TBCD: variants seen among roughly 807,000 people sequenced by gnomAD.
TBCD encodes tubulin-specific chaperone D.
TBCD carries 105 observed loss-of-function variants against 169.3 expected under a neutral mutation model. The observed-to-expected ratio is 0.62, with a 90% CI of 0.53 to 0.73. The LOEUF (loss-of-function observed/expected upper bound fraction) is 0.73, where lower values mean the gene tolerates loss of function less well. TBCD is among the 30% of genes least tolerant of loss of function. TBCD has a pLI of 0.00. For missense variants in TBCD, 1,444 were observed against 1,600.1 expected (o/e 0.90, Z 1.66); for synonymous variants, 700 against 643.9 (o/e 1.09, Z -1.32).
At chr17:82,863,460 A>G (rs1374920551) in intron 13 of TBCD, among the ~76,000 whole-genome samples, 1 of 152,184 alleles carries the variant, frequency 6.6e-6, no homozygotes, top group Non-Finnish European at 1.5e-5. Context: ...AGTTCTGAAA[A>G]ATTGCAAATG....
At chr17:82,940,213 G>GCACACACA (rs767644055) in intron 37 of TBCD, among the ~76,000 whole-genome samples, 1 of 34,342 alleles carries the variant, frequency 2.9e-5, no homozygotes, top group Admixed American at 3.1e-4. Context: ...ATGCTCACTT[G>GCACACACA]CACGCGCGCA....
intron 6 of TBCD, among the ~76,000 whole-genome samples, chr17:82,778,590 C>T (rs1009352025): frequency 6.6e-6 from 1 of 151,758 alleles, no homozygotes; most frequent in Non-Finnish European, 1.5e-5. Context: ...TCCCCAGTAG[C>T]TGGGACTGCA....
At chr17:82,850,722 G>A (rs1338280658) in intron 13 of TBCD, among the ~76,000 whole-genome samples, 9 of 152,178 alleles carry the variant, frequency 5.9e-5, no homozygotes, top group Admixed American at 5.9e-4. Flanking sequence ...TGGTGATTTG[G>A]CCCCCATGGC....
chr17:82,801,841 G>A (rs1419917119), intron 9 of TBCD, among the ~76,000 whole-genome samples: 1 of 146,148 alleles, frequency 6.8e-6, no homozygotes, highest in Admixed American at 6.8e-5. Flanking sequence ...TGCGTCGTGT[G>A]GTTCGGAGTC....
intron 12 of TBCD, among the ~76,000 whole-genome samples, chr17:82,813,846 G>A (rs573050985): frequency 2.0e-5 from 3 of 152,330 alleles, no homozygotes; most frequent in African/African-American, 7.2e-5. Context: ...GAGCCCGCTG[G>A]TGGACGCTGG....
chr17:82,828,419 C>T (rs1452623095), intron 13 of TBCD, among the ~76,000 whole-genome samples: 2 of 151,232 alleles, frequency 1.3e-5, no homozygotes, highest in African/African-American at 4.9e-5. Flanking sequence ...CACACACCCG[C>T]AGATATGTAC....
At chr17:82,854,531 G>C (rs147525622) in intron 13 of TBCD, among the ~76,000 whole-genome samples, 3 of 152,232 alleles carry the variant, frequency 2.0e-5, no homozygotes, top group African/African-American at 7.2e-5. Flanking sequence ...CATCAGAAAG[G>C]CCTGCAGGTT....
Position 82,870,331 on chromosome 17 carries a change from C to T in TBCD, c.1426C>T (p.Arg476Cys), listed in dbSNP as rs1350220621. The T allele has an allele frequency of 2.5e-6, 4 of 1,613,418 alleles. No individual in the cohort carries two copies. Among genetic ancestry groups the T allele is most frequent in the African/African-American group, 1.3e-5 (1 of 74,958 alleles). ...AACYVCWAFA[R>C]AYEPQELKPF... ...CTGCTACGTGTGCTGGGCCTTCGCGCGTGCCTATGAGCCTCAGGAGCTGAA... is the reference window on the plus strand; with the variant it reads ...CTGCTACGTGTGCTGGGCCTTCGCGTGTGCCTATGAGCCTCAGGAGCTGAA... The change falls in exon 14 of 39, where the codon CGT becomes TGT. Residue 476 changes from arginine to cysteine, a missense_variant. Transcript: ENST00000355528.
chr17:82,758,858 A>C (rs2047598428), intron 2 of TBCD, among the ~76,000 whole-genome samples: 1 of 150,360 alleles, frequency 6.7e-6, no homozygotes. Context: ...ACAGGGTTTC[A>C]CCATGTTGGC....
intron 17 of TBCD, among the ~76,000 whole-genome samples, chr17:82,895,305 G>A (rs117672124): frequency 0.11 from 16,083 of 152,190 alleles, 1,141 homozygotes; most frequent in South Asian, 0.29. Context: ...CCCTAGTACC[G>A]CGGGGCCCCC....
At chr17:82,792,668 A>G (rs569686101) in intron 7 of TBCD, among the ~76,000 whole-genome samples, 165 of 152,346 alleles carry the variant, frequency 1.1e-3, no homozygotes, top group African/African-American at 3.8e-3. Flanking sequence ...TGGGCCTTGC[A>G]TGGCCCCCAC....
chr17:82,913,594 C>CG (rs1568026843), intron 23 of TBCD: 2 of 152,138 alleles, frequency 1.3e-5, no homozygotes. Context: ...TAGCTGGCGG[C>CG]GATGGAGTTG....
intron 36 of TBCD, among the ~76,000 whole-genome samples, chr17:82,938,830 G>C (rs908594702): frequency 6.8e-6 from 1 of 146,632 alleles, no homozygotes; most frequent in Admixed American, 6.7e-5. Flanking sequence ...TGCTTCCCTG[G>C]TGAAAAGAGA....
rs926602728 is a variant in TBCD at position 82,922,795 on chromosome 17, C to T, written c.2179-857C>T. Reference sequence around the variant, plus strand: ...CTCTCCAAGGCTGCTCTGTTGGCCTCGGCTCCTGGGCTTCGGGGGAGCGGT... The same window carrying T: ...CTCTCCAAGGCTGCTCTGTTGGCCTTGGCTCCTGGGCTTCGGGGGAGCGGT... On this transcript the variant is annotated intron_variant, in intron 25 of 38. Transcript: ENST00000355528. The surrounding 1 kb of genome is among the most constrained non-coding windows in gnomAD (Gnocchi z 4.1). Among the ~76,000 whole-genome samples, 9 of 152,212 alleles carry T rather than the reference C, an allele frequency of 5.9e-5. No individual in the cohort carries two copies. The highest frequency in any genetic ancestry group is 1.0e-4 in the Non-Finnish European group (7 of 68,040).
At chr17:82,797,571 G>C (rs2050189920) in intron 7 of TBCD, among the ~76,000 whole-genome samples, 186 bp from the exon 8 acceptor site, 2 of 152,148 alleles carry the variant, frequency 1.3e-5, no homozygotes, top group Admixed American at 1.3e-4. Flanking sequence ...GAATTTTTGG[G>C]AGATGATTTC....
Position 82,786,821 on chromosome 17 carries a change from C to CT in TBCD, c.771+5119dup, listed in dbSNP as rs71168154. 4.3e-4 allele frequency among the ~76,000 whole-genome samples: 47 copies of CT among 110,148 alleles called. 1 individual carries two copies. The highest frequency in any genetic ancestry group is 5.2e-3 in the Middle Eastern group (1 of 192). 72.3% of individuals were successfully genotyped at this position (110,148 alleles called of 152,430 possible). A position where few individuals can be genotyped will look rare whatever the true frequency, so the allele number is the denominator to read the frequency against. On this transcript the variant is annotated intron_variant, in intron 7 of 38. Transcript: ENST00000355528. ...TCTTTGTTGTGGGTTCGGTTCTTTACTTTTTTTTTTTTTTTTTTTGATGAT... is the reference window on the plus strand; with the variant it reads ...TCTTTGTTGTGGGTTCGGTTCTTTACTTTTTTTTTTTTTTTTTTTTGATGAT...
chr17:82,894,931 C>T (rs1371644907), intron 17 of TBCD, among the ~76,000 whole-genome samples: 1 of 152,138 alleles, frequency 6.6e-6, no homozygotes, highest in Non-Finnish European at 1.5e-5. Flanking sequence ...GAGCCGAGAT[C>T]GTGCCACTGC....
intron 8 of TBCD, among the ~76,000 whole-genome samples, chr17:82,798,640 G>C (rs1314141901): frequency 6.6e-6 from 1 of 152,196 alleles, no homozygotes; most frequent in African/African-American, 2.4e-5. Context: ...GGGAGGTCTG[G>C]GCAAAGCCCG....
chr17:82,849,718 C>T (rs1320272187), intron 13 of TBCD, among the ~76,000 whole-genome samples: 2 of 152,244 alleles, frequency 1.3e-5, no homozygotes, highest in Non-Finnish European at 2.9e-5. Context: ...CCACACGGGT[C>T]CCTCTCACAG....
Sources: allele counts gnomAD v4.1 joint callset (sites outside exome capture counted in the v4.1 genomes callset), GRCh38; gene constraint gnomAD v4.1.1; non-coding constraint Gnocchi (gnomAD v3.1); transcripts MANE v1.5; gene names NCBI Gene and HGNC (gene_info 2026-07-23, HGNC 2026-07-21).